The following GRID1 variants were observed in gnomAD, a reference collection of about 807,000 sequenced individuals.
GRID1 encodes glutamate receptor ionotropic, delta-1.
GRID1 carries 28 observed loss-of-function variants against 98.0 expected under a neutral mutation model. The ratio of observed to expected loss-of-function variants is 0.29; its 90% CI spans 0.21 to 0.39. The LOEUF (loss-of-function observed/expected upper bound fraction) is 0.39. Among genes scored for constraint, GRID1 ranks in the 10% least tolerant of loss-of-function variants. GRID1 has a pLI of 1.00. For missense variants in GRID1, 1,111 were observed against 1,340.5 expected (o/e 0.83, Z 2.67); for synonymous variants, 553 against 538.5 (o/e 1.03, Z -0.37).
intron 12 of GRID1, among the ~76,000 whole-genome samples, chr10:85,660,970 G>A (rs1840959404): frequency 6.6e-6 from 1 of 152,160 alleles, no homozygotes; most frequent in African/African-American, 2.4e-5. Flanking sequence ...TGGATTGAGT[G>A]AATTCAAGCA....
At chr10:85,615,850 G>T (rs1842781817) in intron 14 of GRID1, among the ~76,000 whole-genome samples, 1 of 152,218 alleles carries the variant, frequency 6.6e-6, no homozygotes, top group Admixed American at 6.5e-5. Flanking sequence ...GGGACAGATA[G>T]GCAGGACCTC....
intron 8 of GRID1, among the ~76,000 whole-genome samples, chr10:85,745,581 A>C (rs868258933): frequency 9.4e-6 from 1 of 106,078 alleles, no homozygotes; most frequent in Non-Finnish European, 2.0e-5. Flanking sequence ...GTGGGGTCGA[A>C]GGAGAGGGGA....
chr10:86,057,759 T>A (rs113000566), intron 4 of GRID1, among the ~76,000 whole-genome samples: 1,584 of 152,226 alleles, frequency 0.01, 22 homozygotes, highest in African/African-American at 0.036. Flanking sequence ...CAGAACCACA[T>A]CTCTTTCTTT....
intron 2 of GRID1, among the ~76,000 whole-genome samples, chr10:86,230,712 A>G (rs1049657782): frequency 1.3e-5 from 2 of 152,098 alleles, no homozygotes; most frequent in Non-Finnish European, 1.5e-5. Context: ...CTCATACTTC[A>G]AGAGTTTGCT....
intron 4 of GRID1, among the ~76,000 whole-genome samples, chr10:86,035,187 C>T (rs1843243184): frequency 6.6e-6 from 1 of 152,128 alleles, no homozygotes; most frequent in Non-Finnish European, 1.5e-5. Context: ...GGCCTGTTAT[C>T]CCTTCATCAT....
At chr10:86,362,911 T>G (rs1284970400) in intron 2 of GRID1, among the ~76,000 whole-genome samples, 2 of 152,236 alleles carry the variant, frequency 1.3e-5, no homozygotes, top group African/African-American at 4.8e-5. Context: ...TCTCTACCAG[T>G]TCCTCCAGCA....
At chr10:86,133,998 GAGGAAACAAA>G (rs1326472578) in intron 4 of GRID1, among the ~76,000 whole-genome samples, 1 of 152,260 alleles carries the variant, frequency 6.6e-6, no homozygotes, top group Non-Finnish European at 1.5e-5. Flanking sequence ...AGGAAATACA[GAGGAAACAAA>G]AGGAAAGAGG....
chr10:86,285,572 A>C (rs1234317570), intron 2 of GRID1, among the ~76,000 whole-genome samples: 1 of 152,114 alleles, frequency 6.6e-6, no homozygotes, highest in Non-Finnish European at 1.5e-5. Flanking sequence ...TGTGCCCACC[A>C]CCTGGCCTGC....
chr10:86,322,702 T>A (rs1259026053), intron 2 of GRID1, among the ~76,000 whole-genome samples: 1 of 151,482 alleles, frequency 6.6e-6, no homozygotes, highest in Non-Finnish European at 1.5e-5. Flanking sequence ...TGAGCCACCT[T>A]GCCCGGCCTT....
intron 8 of GRID1, among the ~76,000 whole-genome samples, chr10:85,773,742 A>G (rs775475600): frequency 6.6e-6 from 1 of 152,358 alleles, no homozygotes; most frequent in Middle Eastern, 3.4e-3. Context: ...AAAGAGAATA[A>G]AATACCTAGG....
chr10:86,269,589 T>A (rs1427797344), intron 2 of GRID1, among the ~76,000 whole-genome samples: 1 of 152,240 alleles, frequency 6.6e-6, no homozygotes, highest in Non-Finnish European at 1.5e-5. Context: ...TCTCTTGGCC[T>A]CGGCCTCTTG....
intron 5 of GRID1, among the ~76,000 whole-genome samples, chr10:85,874,041 T>C (rs1374200069): frequency 6.6e-6 from 1 of 152,194 alleles, no homozygotes. Flanking sequence ...TTGATTACCA[T>C]TTGACTGTTT....
intron 8 of GRID1, among the ~76,000 whole-genome samples, chr10:85,743,029 C>T (rs1841959695): frequency 6.6e-6 from 1 of 150,456 alleles, no homozygotes; most frequent in Non-Finnish European, 1.5e-5. Context: ...CCCCCGACTC[C>T]CCGGCCCCCC....
chr10:86,082,632 C>T (rs1243845046), intron 4 of GRID1, among the ~76,000 whole-genome samples: 2 of 152,166 alleles, frequency 1.3e-5, no homozygotes, highest in African/African-American at 4.8e-5. Flanking sequence ...TCTGGAGGTG[C>T]CCCGTTTCCC....
intron 2 of GRID1, among the ~76,000 whole-genome samples, chr10:86,327,934 T>C (rs1053372864): frequency 4.6e-5 from 7 of 152,222 alleles, no homozygotes; most frequent in African/African-American, 1.4e-4. Context: ...CCTAGATACA[T>C]AGGCATATAT....
intron 12 of GRID1, among the ~76,000 whole-genome samples, chr10:85,672,271 A>C (rs953649194): frequency 1.3e-5 from 2 of 152,194 alleles, no homozygotes; most frequent in Non-Finnish European, 2.9e-5. Context: ...AACCATTCTG[A>C]AAAGCCTAGG....
intron 2 of GRID1, among the ~76,000 whole-genome samples, chr10:86,249,982 T>C (rs1454885358): frequency 6.6e-6 from 1 of 150,690 alleles, no homozygotes; most frequent in Non-Finnish European, 1.5e-5. Flanking sequence ...GATAGATGGA[T>C]GGATGCATGG....
chr10:86,073,230 T>A (rs1247162687), intron 4 of GRID1, among the ~76,000 whole-genome samples: 1 of 152,180 alleles, frequency 6.6e-6, no homozygotes, highest in African/African-American at 2.4e-5. Flanking sequence ...GAATCCATAC[T>A]CATCACACAG....
chr10:86,126,478 A>G (rs952549345), intron 4 of GRID1, among the ~76,000 whole-genome samples: 4 of 152,174 alleles, frequency 2.6e-5, no homozygotes, highest in South Asian at 2.1e-4. Flanking sequence ...AGAAAAAGAA[A>G]AGAAATAGGA....
Sources: gnomAD v4.1 joint callset for allele counts (sites outside exome capture counted in the v4.1 genomes callset) on GRCh38, gnomAD v4.1.1 for gene constraint, MANE v1.5 for transcripts, NCBI Gene and HGNC (gene_info 2026-07-23, HGNC 2026-07-21) for gene names.